ARHGEF17: variants seen among roughly 807,000 people sequenced by gnomAD.
ARHGEF17 encodes the protein 164 kDa Rho-specific guanine-nucleotide exchange factor.
Under a neutral mutation model 174.0 loss-of-function variants are expected in ARHGEF17, and 80 were observed. The ratio of observed to expected loss-of-function variants is 0.46; its 90% CI spans 0.38 to 0.55. The LOEUF is 0.55. ARHGEF17 is among the 20% of genes least tolerant of loss of function. The pLI is 0.00. For missense variants in ARHGEF17, 2,886 were observed against 2,839.7 expected (o/e 1.02, Z -0.37); for synonymous variants, 1,311 against 1,189.1 (o/e 1.10, Z -2.11).
At chr11:73,322,930 G>A (rs951456705) in intron 1 of ARHGEF17, among the ~76,000 whole-genome samples, 2 of 152,162 alleles carry the variant, frequency 1.3e-5, no homozygotes, top group Admixed American at 1.3e-4. Context: ...TGACTGGGAA[G>A]ACAATTTGGA....
intron 18 of ARHGEF17, chr11:73,364,818 A>C (rs1865809238): frequency 1.8e-6 from 1 of 563,642 alleles, no homozygotes; most frequent in Admixed American, 3.8e-5. Flanking sequence ...TACATTAGGA[A>C]TCTTATTCAT....
At chr11:73,329,162 C>G (rs569289912) in intron 1 of ARHGEF17, among the ~76,000 whole-genome samples, 5 of 150,964 alleles carry the variant, frequency 3.3e-5, no homozygotes, top group African/African-American at 1.2e-4. Context: ...CCCAGGCCAC[C>G]CAGCTAGTAG....
rs1256775841 is a variant in ARHGEF17, at chr11:73,362,457, T to G, written c.4719T>G (p.Ser1573Arg). The change falls in exon 14 of 21, where the codon AGT (serine) becomes AGG (arginine). Residue 1573 changes from serine (S) to arginine (R), a missense_variant. Around this residue, in one of 4 missense-constraint regions of ARHGEF17, gnomAD observed 476 missense variants for 473.1 expected, o/e 1.01. Coordinates refer to ENST00000263674, the MANE Select transcript of ARHGEF17 (RefSeq NM_014786.4). Reference sequence around the variant, plus strand: ...GGGAGCCTCCTCCGTCGCTGAGGAGTCCTCCAGAGACGGCACCGGAGCCCG... The same window carrying G: ...GGGAGCCTCCTCCGTCGCTGAGGAGGCCTCCAGAGACGGCACCGGAGCCCG... ...CHREPPPSLR[S>R]PPETAPEPAG... is the part of the protein sequence containing the mutation. The G allele has an allele frequency of 6.3e-7, 1 of 1,580,366 alleles. No homozygotes were observed. The highest frequency in any genetic ancestry group is 1.3e-5 in the African/African-American group (1 of 74,110).
At chr11:73,345,294 C>T (rs1024178416) in intron 1 of ARHGEF17, among the ~76,000 whole-genome samples, 2 of 152,104 alleles carry the variant, frequency 1.3e-5, no homozygotes, top group Non-Finnish European at 2.9e-5. Flanking sequence ...CCGTCAGAGC[C>T]CAGGGCTGGC....
At chr11:73,341,558 C>T (rs1172043711) in intron 1 of ARHGEF17, among the ~76,000 whole-genome samples, 4 of 152,064 alleles carry the variant, frequency 2.6e-5, no homozygotes, top group East Asian at 1.9e-4. Flanking sequence ...GTGATCTGCC[C>T]GCCTCAGCCT....
intron 1 of ARHGEF17, among the ~76,000 whole-genome samples, chr11:73,325,897 C>T (rs1327825160): frequency 6.6e-6 from 1 of 152,254 alleles, no homozygotes; most frequent in East Asian, 1.9e-4. Flanking sequence ...ATGGGACAGC[C>T]CAGCCATTTG....
At chr11:73,355,370 C>T (rs1310178582) in intron 3 of ARHGEF17, among the ~76,000 whole-genome samples, 163 bp from the exon 4 acceptor site, 1 of 152,200 alleles carries the variant, frequency 6.6e-6, no homozygotes, top group African/African-American at 2.4e-5. Context: ...CGCCTAAACA[C>T]GACCACACTT....
rs755549516 is a variant in ARHGEF17, at chr11:73,309,802, C to T, written c.1164C>T (p.Arg388=). Residue 388 remains arginine, a synonymous_variant, in exon 1 of 21, where the codon CGC becomes CGT. Coordinates refer to ENST00000263674, the MANE Select transcript of ARHGEF17 (RefSeq NM_014786.4). ...ACCTGGCCAGCCCCGCAGGCTCCCGCGGTAGCAGCCGTTATTCCAGCACGG... is the reference window on the plus strand; with the variant it reads ...ACCTGGCCAGCCCCGCAGGCTCCCGTGGTAGCAGCCGTTATTCCAGCACGG... ...PSYLASPAGS[R]GSSRYSSTET... 12 of 1,613,020 alleles carry T rather than the reference C, an allele frequency of 7.4e-6. No individual in the cohort carries two copies. In the East Asian group the frequency reaches 2.0e-4, roughly 27 times the overall value.
In ARHGEF17 at chr11:73,329,356, TATATATA is replaced by T. The variant is rs1865159858; in HGVS notation, c.3193-17526_3193-17520del. On this transcript the variant is annotated intron_variant, in intron 1 of 20. Coordinates refer to ENST00000263674, the MANE Select transcript of ARHGEF17 (RefSeq NM_014786.4). ...ATATATATATATATATATATATATA[TATATATA>T]TATATATATATTTTTTTTTTTTTTT... Among the ~76,000 whole-genome samples, 14 of 37,230 alleles carry T rather than the reference TATATATA, an allele frequency of 3.8e-4. 2 individuals are homozygous for T. Among genetic ancestry groups the T allele is most frequent in the African/African-American group, 2.3e-3 (11 of 4,782 alleles). 24.4% of individuals were successfully genotyped at this position (37,230 alleles called of 152,430 possible).
Position 73,310,240 on chromosome 11 carries a change from C to T in ARHGEF17, c.1602C>T (p.Leu534=). 2 of 1,614,054 alleles carry T rather than the reference C, an allele frequency of 1.2e-6. No homozygotes were observed. The highest frequency in any genetic ancestry group is 1.7e-6 in the Non-Finnish European group (2 of 1,180,042). ...APASPGTRPT[L]KDLTATLRRA... is the part of the protein sequence containing the mutation. The stretch of plus-strand genomic sequence containing the variant: ...CATCACCTGGCACGCGCCCCACACT[C>T]AAGGACTTGACAGCCACTCTGCGGA... The change falls in exon 1 of 21, where the codon CTC becomes CTT. Residue 534 remains leucine (L), a synonymous_variant. Transcript: ENST00000263674.
rs1554996187 is a variant in ARHGEF17 at position 73,310,488 on chromosome 11, C to T, written c.1850C>T (p.Pro617Leu). The T allele has an allele frequency of 3.1e-6, 5 of 1,613,994 alleles. No homozygotes were observed. The highest frequency in any genetic ancestry group is 3.3e-4 in the Middle Eastern group (2 of 6,062). The change falls in exon 1 of 21, where the codon CCT (proline) becomes CTT (leucine). Residue 617 changes from proline to leucine, a missense_variant. Pro to Leu is a moderately conservative substitution (Grantham distance 98). Coordinates refer to ENST00000263674, the MANE Select transcript of ARHGEF17 (RefSeq NM_014786.4). ...AQQDDGSDAP[P>L]GSPDWAGDVT... ...CAAGATGATGGAAGCGATGCCCCCC[C>T]TGGAAGCCCTGACTGGGCAGGGGAT...
intron 1 of ARHGEF17, among the ~76,000 whole-genome samples, chr11:73,337,927 C>G (rs1046264157): frequency 6.6e-6 from 1 of 152,186 alleles, no homozygotes; most frequent in African/African-American, 2.4e-5. Flanking sequence ...CCCACCTAAG[C>G]AGGGCACTGT....
chr11:73,312,217 G>C (rs560084827), intron 1 of ARHGEF17, among the ~76,000 whole-genome samples: 1 of 152,174 alleles, frequency 6.6e-6, no homozygotes, highest in South Asian at 2.1e-4. Flanking sequence ...TTTCTCTGAG[G>C]CTTGCTACTC....
At chr11:73,341,577 G>T (rs1865369735) in intron 1 of ARHGEF17, among the ~76,000 whole-genome samples, 1 of 152,156 alleles carries the variant, frequency 6.6e-6, no homozygotes, top group African/African-American at 2.4e-5. Flanking sequence ...CTCCCAAAGT[G>T]CTGGGATTAC....
At position 73,362,708 on chromosome 11, in the gene ARHGEF17, G is replaced by A. The variant is rs747852861; in HGVS notation, c.4970G>A (p.Arg1657Gln). Residue 1657 changes from arginine (R) to glutamine (Q), a missense_variant, in exon 14 of 21, where the codon CGG becomes CAG. Around this residue, in one of 4 missense-constraint regions of ARHGEF17, gnomAD observed 476 missense variants for 473.1 expected, o/e 1.01. Transcript: ENST00000263674. ...GGGACGCTGCAGAGCCAGGCCAGCCGGTCCACCATCTCCTCCAGCTTTGGC... is the reference window on the plus strand; with the variant it reads ...GGGACGCTGCAGAGCCAGGCCAGCCAGTCCACCATCTCCTCCAGCTTTGGC... Reference protein sequence around the residue: ...PSGTLQSQASRSTISSSFGNE... With the variant: ...PSGTLQSQASQSTISSSFGNE... The A allele has an allele frequency of 2.5e-6, 4 of 1,605,614 alleles. No homozygotes were observed. Among genetic ancestry groups the A allele is most frequent in the Admixed American group, 1.7e-5 (1 of 59,926 alleles).
chr11:73,355,875 G>A lies in ARHGEF17; in HGVS notation c.3585G>A (p.Glu1195=), dbSNP rs1865629344. 3 of 1,614,076 alleles carry A rather than the reference G, an allele frequency of 1.9e-6. No homozygotes were observed. Among genetic ancestry groups the A allele is most frequent in the Non-Finnish European group, 2.5e-6 (3 of 1,180,050 alleles). ...ATGGGTTTCAGCAAAGCATGCGTGA[G>A]AACAAGGAGAAGCAGGCGCTGTCTG... is the stretch of plus-strand genomic sequence containing the variant. ...FLKFLEQSMR[E]NKEKQALSDL... is the part of the protein sequence containing the mutation. Residue 1195 remains glutamate, a synonymous_variant, in exon 5 of 21, where the codon GAG becomes GAA. Coordinates refer to ENST00000263674, the MANE Select transcript of ARHGEF17 (RefSeq NM_014786.4).
chr11:73,362,860 A>G, intron 14 of ARHGEF17, 126 bp downstream of exon 14: 1 of 1,213,368 alleles, frequency 8.2e-7, no homozygotes. Context: ...TAGCACACAG[A>G]GCAATGAGGG....
chr11:73,361,659 C>G (rs1475919819), intron 12 of ARHGEF17, among the ~76,000 whole-genome samples: 4 of 152,002 alleles, frequency 2.6e-5, no homozygotes, highest in African/African-American at 7.3e-5. Context: ...CCTAAAAGTT[C>G]AAGACCAGGC....
At chr11:73,359,415 C>T (rs1334067526) in intron 9 of ARHGEF17, among the ~76,000 whole-genome samples, 1 of 152,238 alleles carries the variant, frequency 6.6e-6, no homozygotes, top group Non-Finnish European at 1.5e-5. Flanking sequence ...TGCACTGCCC[C>T]CTCCTTTGTG....
Sources: gnomAD v4.1 joint callset for allele counts (sites outside exome capture counted in the v4.1 genomes callset) on GRCh38, gnomAD v4.1.1 for gene constraint, gnomAD v4.1.1 regional missense constraint, MANE v1.5 for transcripts, NCBI Gene and HGNC (gene_info 2026-07-23, HGNC 2026-07-21) for gene names.